ABHD12: variants seen among roughly 807,000 people sequenced by gnomAD.
The protein encoded by ABHD12 is abhydrolase domain containing 12, lysophospholipase.
In ABHD12, 43 loss-of-function variants were observed where a neutral mutation model predicts 58.3. The observed-to-expected ratio is 0.74, with a 90% CI of 0.58 to 0.95. The LOEUF is 0.95. Ranked by LOEUF, ABHD12 falls within the 40% of genes least tolerant of loss-of-function variation. ABHD12 has a pLI of 0.00. For synonymous variants in ABHD12, 219 were observed against 211.2 expected (o/e 1.04, Z -0.32); for missense variants, 539 against 537.2 (o/e 1.00, Z -0.03).
rs4358194 is a variant in ABHD12, at chr20:25,302,117, C to T, written c.1157+102G>A. On this transcript the variant is annotated intron_variant, in intron 12 of 12. Coordinates refer to ENST00000339157, the MANE Select transcript of ABHD12 (RefSeq NM_001042472.3). Reference sequence around the variant, plus strand: ...CAAATCACTGTGACTCTTGGCCCCACTGAGGCCCCCTGAGCAGCTTCAGCA... The same window carrying T: ...CAAATCACTGTGACTCTTGGCCCCATTGAGGCCCCCTGAGCAGCTTCAGCA... 0.027 allele frequency: 41,796 copies of T among 1,553,482 alleles called. 1,083 individuals carry two copies. The highest frequency in any genetic ancestry group is 0.12 in the Admixed American group (7,206 of 58,478).
chr20:25,364,714 C>T (rs1229869903), intron 1 of ABHD12, among the ~76,000 whole-genome samples: 2 of 152,174 alleles, frequency 1.3e-5, no homozygotes, highest in African/African-American at 4.8e-5. Flanking sequence ...TAAGATGACA[C>T]ATAGAAATGC....
chr20:25,358,744 T>C (rs1240148024), intron 1 of ABHD12, among the ~76,000 whole-genome samples: 1 of 152,128 alleles, frequency 6.6e-6, no homozygotes, highest in African/African-American at 2.4e-5. Flanking sequence ...CCCTTGTCCA[T>C]ATCGGCCACC....
intron 2 of ABHD12, among the ~76,000 whole-genome samples, chr20:25,330,313 A>T (rs1198350611): frequency 6.6e-6 from 1 of 152,238 alleles, no homozygotes; most frequent in African/African-American, 2.4e-5. Flanking sequence ...GGAGGGTCCT[A>T]CGCCCACGGA....
intron 1 of ABHD12, among the ~76,000 whole-genome samples, chr20:25,351,002 CA>C (rs1568751656): frequency 3.3e-4 from 38 of 116,544 alleles, no homozygotes; most frequent in Non-Finnish European, 4.6e-4. Flanking sequence ...CACACACACA[CA>C]CACACACCCT....
chr20:25,359,100 TAAAA>T (rs367930738), intron 1 of ABHD12, among the ~76,000 whole-genome samples: 1 of 128,684 alleles, frequency 7.8e-6, no homozygotes, highest in Non-Finnish European at 1.7e-5. Flanking sequence ...GCCTCCTTTG[TAAAA>T]AAAAAAAAAA....
intron 1 of ABHD12, among the ~76,000 whole-genome samples, chr20:25,376,324 A>G (rs1294282210): frequency 6.6e-6 from 1 of 152,172 alleles, no homozygotes; most frequent in East Asian, 1.9e-4. Flanking sequence ...GGAAATCTTA[A>G]CAACAATCTC....
chr20:25,304,432 G>C (rs1600763651), intron 10 of ABHD12, among the ~76,000 whole-genome samples: 1 of 152,252 alleles, frequency 6.6e-6, no homozygotes, highest in East Asian at 1.9e-4. Context: ...CCTGCCCTCA[G>C]AGCTGTGCCC....
intron 1 of ABHD12, among the ~76,000 whole-genome samples, chr20:25,381,171 G>A (rs2090017287): frequency 6.6e-6 from 1 of 152,150 alleles, no homozygotes; most frequent in South Asian, 2.1e-4. Flanking sequence ...TTCTCTAGCA[G>A]CCAGTGGCAT....
chr20:25,368,622 C>T, intron 1 of ABHD12: 1 of 1,375,898 alleles, frequency 7.3e-7, no homozygotes, highest in South Asian at 1.2e-5. Flanking sequence ...AGCGGAAACC[C>T]TTAAAACCAA....
chr20:25,361,083 A>G (rs1191498516), intron 1 of ABHD12, among the ~76,000 whole-genome samples: 2 of 152,184 alleles, frequency 1.3e-5, no homozygotes, highest in Non-Finnish European at 2.9e-5. Flanking sequence ...CAAAAGATAC[A>G]GGGCCCACCG....
At chr20:25,334,667 T>C (rs2089333569) in intron 2 of ABHD12, among the ~76,000 whole-genome samples, 1 of 151,828 alleles carries the variant, frequency 6.6e-6, no homozygotes, top group Non-Finnish European at 1.5e-5. Context: ...TGCAACTATC[T>C]GATCTTTGAC....
At chr20:25,315,925 A>C (rs1358302849) in intron 5 of ABHD12, among the ~76,000 whole-genome samples, 1 of 152,162 alleles carries the variant, frequency 6.6e-6, no homozygotes, top group Non-Finnish European at 1.5e-5. Flanking sequence ...AGGCTGTTTC[A>C]ACAGTATCTC....
intron 1 of ABHD12, among the ~76,000 whole-genome samples, chr20:25,388,998 G>A (rs1317489267): frequency 6.6e-6 from 1 of 151,852 alleles, no homozygotes; most frequent in Non-Finnish European, 1.5e-5. Context: ...TACAGACGGG[G>A]TTTCTCCATG....
Position 25,386,789 on chromosome 20 carries a change from G to A in ABHD12, c.191+3724C>T, listed in dbSNP as rs184630986. 2.6e-5 allele frequency among the ~76,000 whole-genome samples: 4 copies of A among 152,118 alleles called. 1 individual carries two copies. In the East Asian group the frequency reaches 7.8e-4, roughly 30 times the overall value. On this transcript the variant is annotated intron_variant, in intron 1 of 12. Coordinates refer to ENST00000339157, the MANE Select transcript of ABHD12 (RefSeq NM_001042472.3). Reference sequence around the variant, plus strand: ...CCAGCTACCCGGGAGGCTGAGGCCAGAGAATTGCTTGAACCTGGGAGGCAG... The same window carrying A: ...CCAGCTACCCGGGAGGCTGAGGCCAAAGAATTGCTTGAACCTGGGAGGCAG...
At chr20:25,302,104 A>T (rs2088646153) in intron 12 of ABHD12, 115 bp downstream of exon 12, 6 of 1,458,896 alleles carry the variant, frequency 4.1e-6, no homozygotes, top group Non-Finnish European at 5.7e-6. Flanking sequence ...AATCACTGTG[A>T]CTCTTGGCCC....
intron 2 of ABHD12, chr20:25,338,958 G>T (rs2089416654): frequency 2.4e-6 from 3 of 1,235,740 alleles, no homozygotes; most frequent in Non-Finnish European, 2.1e-6. Context: ...GTGCTGGGGA[G>T]CAACACTAGC....
At chr20:25,313,982 T>TC (rs2088913673) in intron 6 of ABHD12, among the ~76,000 whole-genome samples, 1 of 151,654 alleles carries the variant, frequency 6.6e-6, no homozygotes, top group East Asian at 1.9e-4. Flanking sequence ...AACAGTTCTT[T>TC]TTTTTTTTTG....
In ABHD12 at chr20:25,387,488, G is replaced by T. The variant is rs1176729399; in HGVS notation, c.191+3025C>A. 2.0e-5 allele frequency among the ~76,000 whole-genome samples: 3 copies of T among 149,172 alleles called. No individual in the cohort carries two copies. In the South Asian group the frequency reaches 6.4e-4, roughly 32 times the overall value. ...AGGCAGGAGAATTTAGGCCTGGCAC[G>T]GTATTTCATACCTAACACTTTGGGA... On this transcript the variant is annotated intron_variant, in intron 1 of 12. Coordinates refer to ENST00000339157, the MANE Select transcript of ABHD12 (RefSeq NM_001042472.3).
chr20:25,326,329 C>T (rs925492831), intron 2 of ABHD12, among the ~76,000 whole-genome samples: 26 of 152,160 alleles, frequency 1.7e-4, no homozygotes, highest in African/African-American at 4.8e-4. Context: ...GGACTTATAG[C>T]GCCAATAAAA....
Sources: gnomAD v4.1 joint callset for allele counts (sites outside exome capture counted in the v4.1 genomes callset) on GRCh38, gnomAD v4.1.1 for gene constraint, MANE v1.5 for transcripts, NCBI Gene and HGNC (gene_info 2026-07-23, HGNC 2026-07-21) for gene names.